JAKMIP1: variants seen among roughly 807,000 people sequenced by gnomAD.
JAKMIP1 encodes janus kinase and microtubule-interacting protein 1.
Under a neutral mutation model 113.0 loss-of-function variants are expected in JAKMIP1, and 33 were observed. The ratio of observed to expected loss-of-function variants is 0.29; its 90% CI spans 0.22 to 0.39. The LOEUF (loss-of-function observed/expected upper bound fraction) is 0.39, where lower values mean the gene tolerates loss of function less well. JAKMIP1 is among the 10% of genes least tolerant of loss of function. JAKMIP1 has a pLI of 1.00. For synonymous variants in JAKMIP1, 480 were observed against 459.9 expected (o/e 1.04, Z -0.56); for missense variants, 813 against 1,080.5 (o/e 0.75, Z 3.47).
In JAKMIP1 at chr4:6,197,906, A is replaced by AC. The variant is rs1560364796; in HGVS notation, c.-148+2346dup. On this transcript the variant is annotated intron_variant, in intron 1 of 20. Coordinates refer to ENST00000409021, the MANE Select transcript of JAKMIP1 (RefSeq NM_001099433.2). The surrounding 1 kb of genome is among the most constrained non-coding windows in gnomAD (Gnocchi z 6.5). ...TGCCACTTGTCCCACAGCCCAATCC[A>AC]CCCTTACACACCAAGAGAGTGGGGC... is the stretch of plus-strand genomic sequence containing the variant. 6.6e-5 allele frequency among the ~76,000 whole-genome samples: 10 copies of AC among 151,948 alleles called. 1 individual carries two copies. Among genetic ancestry groups the AC allele is most frequent in the Admixed American group, 6.6e-4 (10 of 15,250 alleles).
intron 1 of JAKMIP1, among the ~76,000 whole-genome samples, chr4:6,169,047 A>C (rs1340681816): frequency 6.6e-6 from 1 of 152,222 alleles, no homozygotes; most frequent in Admixed American, 6.5e-5. Flanking sequence ...CTGCAATTAG[A>C]TAGTGATGAT....
chr4:6,191,420 C>G (rs925799416), intron 1 of JAKMIP1, among the ~76,000 whole-genome samples: 1 of 152,230 alleles, frequency 6.6e-6, no homozygotes, highest in African/African-American at 2.4e-5. Flanking sequence ...TGGGTCTCCC[C>G]TCCCCCAGAA....
At chr4:6,055,095 G>A (rs965315846) in intron 12 of JAKMIP1, among the ~76,000 whole-genome samples, 2 of 152,182 alleles carry the variant, frequency 1.3e-5, no homozygotes, top group Non-Finnish European at 2.9e-5. Context: ...CAGATTGGGG[G>A]CTGGGCCAAG....
At chr4:6,126,536 A>AAC (rs752202709) in intron 1 of JAKMIP1, among the ~76,000 whole-genome samples, 1 of 137,134 alleles carries the variant, frequency 7.3e-6, no homozygotes, top group Admixed American at 7.3e-5. Context: ...ACCATACAGA[A>AAC]ACACACACAC....
In JAKMIP1 at chr4:6,108,912, G is replaced by A. The variant is rs1000044570; in HGVS notation, c.130-2945C>T. ...CATATATGGAAATATTTACAGGTATGCGTACATACGCAGGTCAGTATACAC... is the reference window on the plus strand; with the variant it reads ...CATATATGGAAATATTTACAGGTATACGTACATACGCAGGTCAGTATACAC... On this transcript the variant is annotated intron_variant, in intron 2 of 20. Transcript: ENST00000409021. The surrounding 1 kb of genome is among the most constrained non-coding windows in gnomAD (Gnocchi z 5.6). Among the ~76,000 whole-genome samples the A allele has an allele frequency of 6.6e-6, 1 of 152,252 alleles. No homozygotes were observed. The highest frequency in any genetic ancestry group is 1.5e-5 in the Non-Finnish European group (1 of 68,050).
intron 13 of JAKMIP1, among the ~76,000 whole-genome samples, chr4:6,053,419 G>C (rs1439895019): frequency 6.6e-6 from 1 of 152,172 alleles, no homozygotes; most frequent in Non-Finnish European, 1.5e-5. Context: ...GCCTGGGTCT[G>C]TATTTACTGG....
chr4:6,056,315 G>C (rs1050369791), intron 12 of JAKMIP1, among the ~76,000 whole-genome samples: 1 of 147,674 alleles, frequency 6.8e-6, no homozygotes, highest in Admixed American at 6.7e-5. Flanking sequence ...GGTTGGGGCA[G>C]CCCTCCCCAT....
At position 6,178,363 on chromosome 4, in the gene JAKMIP1, G is replaced by C. The variant is rs867825619; in HGVS notation, c.-148+21890C>G. Among the ~76,000 whole-genome samples, 3 of 152,158 alleles carry C rather than the reference G, an allele frequency of 2.0e-5. No individual in the cohort carries two copies. The highest frequency in any genetic ancestry group is 1.5e-5 in the Non-Finnish European group (1 of 68,036). On this transcript the variant is annotated intron_variant, in intron 1 of 20. Transcript: ENST00000409021. This position sits in a 1 kb window ranked among gnomAD's most constrained non-coding sequence, Gnocchi z 5.5. ...CCATGTGTGGTGGGAGGGACCTCTC[G>C]GGAGGTAATTGAATCATGGGGGCAG... is the stretch of plus-strand genomic sequence containing the variant.
In JAKMIP1 at chr4:6,080,108, T is replaced by C; in HGVS notation, c.1242+64A>G. The C allele has an allele frequency of 3.3e-6, 5 of 1,512,668 alleles. No individual in the cohort carries two copies. The highest frequency in any genetic ancestry group is 3.6e-6 in the Non-Finnish European group (4 of 1,125,314). The allele number at this position is 1,512,668 out of a possible 1,614,324, so 93.7% of individuals were successfully genotyped here. ...CACCCTGAGCCCCAACACCCGTTCC[T>C]GACACCCATGTCAGCTGGTGCCACC... On this transcript the variant is annotated intron_variant, in intron 7 of 20. Transcript: ENST00000409021. This position sits in a 1 kb window ranked among gnomAD's most constrained non-coding sequence, Gnocchi z 6.0.
chr4:6,031,771 G>T lies in JAKMIP1; in HGVS notation c.2380-1990C>A, dbSNP rs897325410. Among the ~76,000 whole-genome samples the T allele has an allele frequency of 6.6e-6, 1 of 152,232 alleles. No homozygotes were observed. The highest frequency in any genetic ancestry group is 6.5e-5 in the Admixed American group (1 of 15,292). ...GACAGAAAAAAAGATGATTCTCTCA[G>T]ATCTGTGACCTTGGGCAGTTATTCT... On this transcript the variant is annotated intron_variant, in intron 19 of 20. Coordinates refer to ENST00000409021, the MANE Select transcript of JAKMIP1 (RefSeq NM_001099433.2). This position sits in a 1 kb window ranked among gnomAD's most constrained non-coding sequence, Gnocchi z 4.4.
Position 6,158,223 on chromosome 4 carries a change from A to G in JAKMIP1, c.-148+42030T>C, listed in dbSNP as rs886594823. The stretch of plus-strand genomic sequence containing the variant: ...TGCAGTGCACGCTCCATACATCCCA[A>G]CTTTGCCCTGCGGATACTACATGCT... On this transcript the variant is annotated intron_variant, in intron 1 of 20. Coordinates refer to ENST00000409021, the MANE Select transcript of JAKMIP1 (RefSeq NM_001099433.2). This position sits in a 1 kb window ranked among gnomAD's most constrained non-coding sequence, Gnocchi z 5.3. Among the ~76,000 whole-genome samples the G allele has an allele frequency of 2.0e-5, 3 of 152,112 alleles. No individual in the cohort carries two copies. The highest frequency in any genetic ancestry group is 3.9e-4 in the East Asian group (2 of 5,186).
chr4:6,122,726 G>C (rs1427070288), intron 1 of JAKMIP1, among the ~76,000 whole-genome samples: 1 of 152,174 alleles, frequency 6.6e-6, no homozygotes, highest in Admixed American at 6.5e-5. Context: ...ACAGCACCCA[G>C]CCCATGTGAT....
In JAKMIP1 at chr4:6,176,485, C is replaced by T. The variant is rs997642106; in HGVS notation, c.-148+23768G>A. 6.6e-6 allele frequency among the ~76,000 whole-genome samples: 1 copy of T among 152,212 alleles called. No homozygotes were observed. The highest frequency in any genetic ancestry group is 2.1e-4 in the South Asian group (1 of 4,838). On this transcript the variant is annotated intron_variant, in intron 1 of 20. Transcript: ENST00000409021. The surrounding 1 kb of genome is among the most constrained non-coding windows in gnomAD (Gnocchi z 5.5). ...TGTACATTTTAATCTATTTACCAAGCTCCTCAGTACTCCTACCACAGGACG... is the reference window on the plus strand; with the variant it reads ...TGTACATTTTAATCTATTTACCAAGTTCCTCAGTACTCCTACCACAGGACG...
chr4:6,117,173 G>A (rs947461752), intron 1 of JAKMIP1, among the ~76,000 whole-genome samples: 6 of 152,304 alleles, frequency 3.9e-5, no homozygotes, highest in Non-Finnish European at 5.9e-5. Flanking sequence ...GGTGTGACTC[G>A]GATTTCCATT....
At chr4:6,047,503 C>T (rs559278406) in intron 16 of JAKMIP1, among the ~76,000 whole-genome samples, 1 of 152,304 alleles carries the variant, frequency 6.6e-6, no homozygotes, top group East Asian at 1.9e-4. Context: ...GTGAGTCATC[C>T]CCGTCCCGCG....
chr4:6,192,550 A>T lies in JAKMIP1; in HGVS notation c.-148+7703T>A, dbSNP rs1470312966. Among the ~76,000 whole-genome samples, 1 of 152,176 alleles carries T rather than the reference A, an allele frequency of 6.6e-6. No homozygotes were observed. Among genetic ancestry groups the T allele is most frequent in the African/African-American group, 2.4e-5 (1 of 41,434 alleles). ...GAGATAGGGACATTCTCTTTATTTC[A>T]CAAAAGAAGGAAGTGAAGCTCAGAA... On this transcript the variant is annotated intron_variant, in intron 1 of 20. Coordinates refer to ENST00000409021, the MANE Select transcript of JAKMIP1 (RefSeq NM_001099433.2). The surrounding 1 kb of genome is among the most constrained non-coding windows in gnomAD (Gnocchi z 5.0).
In JAKMIP1 at chr4:6,051,583, C is replaced by T. The variant is rs114310560; in HGVS notation, c.1807-904G>A. On this transcript the variant is annotated intron_variant, in intron 13 of 20. Transcript: ENST00000409021. This position sits in a 1 kb window ranked among gnomAD's most constrained non-coding sequence, Gnocchi z 5.0. ...TTCTTTCCAATACAATCTGCCAATACCATTCACAATTGTTTTCTGAGCCAC... is the reference window on the plus strand; with the variant it reads ...TTCTTTCCAATACAATCTGCCAATATCATTCACAATTGTTTTCTGAGCCAC... 4.8e-4 allele frequency among the ~76,000 whole-genome samples: 73 copies of T among 152,278 alleles called. No individual in the cohort carries two copies. The highest frequency in any genetic ancestry group is 1.6e-3 in the African/African-American group (67 of 41,560).
chr4:6,112,873 T>C lies in JAKMIP1; in HGVS notation c.-23A>G, dbSNP rs753751084. 1.9e-6 allele frequency: 3 copies of C among 1,611,804 alleles called. No homozygotes were observed. The highest frequency in any genetic ancestry group is 2.2e-5 in the East Asian group (1 of 44,842). On this transcript the variant is annotated 5_prime_UTR_variant, in exon 2 of 21. Transcript: ENST00000409021. ...CATGCTTCCCCTTGGGTCAGAGTGCTGAGATCCTGCGGTCCACACCTGTTC... is the reference window on the plus strand; with the variant it reads ...CATGCTTCCCCTTGGGTCAGAGTGCCGAGATCCTGCGGTCCACACCTGTTC...
At chr4:6,148,812 C>T (rs1356977600) in intron 1 of JAKMIP1, among the ~76,000 whole-genome samples, 3 of 152,270 alleles carry the variant, frequency 2.0e-5, no homozygotes, top group Admixed American at 6.5e-5. Flanking sequence ...ACAGCATCCT[C>T]AGGCCTGGCC....
Sources: gnomAD v4.1 joint callset for allele counts (sites outside exome capture counted in the v4.1 genomes callset) on GRCh38, gnomAD v4.1.1 for gene constraint, Gnocchi (gnomAD v3.1) non-coding constraint, MANE v1.5 for transcripts, NCBI Gene and HGNC (gene_info 2026-07-23, HGNC 2026-07-21) for gene names.